STK32C: variants seen among roughly 807,000 people sequenced by gnomAD.
The protein encoded by STK32C is serine/threonine-protein kinase 32C.
A neutral mutation model predicts 56.5 loss-of-function variants in STK32C; 31 were observed. The observed-to-expected ratio is 0.55, with a 90% CI of 0.41 to 0.74. The LOEUF is 0.74. Ranked by LOEUF, STK32C falls within the 30% of genes least tolerant of loss-of-function variation. STK32C has a pLI of 0.00. For synonymous variants in STK32C, 309 were observed against 289.4 expected, an observed-to-expected ratio of 1.07 and a Z score of -0.69; for missense variants, 544 against 676.9, an observed-to-expected ratio of 0.80 and a Z score of 2.18.
Position 132,253,738 on chromosome 10 carries a change from G to A in STK32C, c.263-7783C>T, listed in dbSNP as rs151023287. Among the ~76,000 whole-genome samples, 1,316 of 152,348 alleles carry A rather than the reference G, an allele frequency of 8.6e-3. 19 individuals carry two copies. The highest frequency in any genetic ancestry group is 0.028 in the African/African-American group (1,181 of 41,580). On this transcript the variant is annotated intron_variant, in intron 1 of 11. Transcript: ENST00000298630. ...CACAGCACATCTAAGGCCAAACACCGGCTCGAGGCGAGAGATGGCCAAGAC... is the reference window on the plus strand; with the variant it reads ...CACAGCACATCTAAGGCCAAACACCAGCTCGAGGCGAGAGATGGCCAAGAC...
intron 6 of STK32C, 76 bp from the exon 7 acceptor site, chr10:132,225,412 G>C: frequency 1.3e-6 from 2 of 1,584,744 alleles, no homozygotes; most frequent in South Asian, 1.1e-5. Flanking sequence ...CCGGCACCTT[G>C]AGGCCACATC....
intron 1 of STK32C, among the ~76,000 whole-genome samples, chr10:132,278,999 C>T (rs7078667): frequency 0.062 from 9,409 of 152,180 alleles, 319 homozygotes; most frequent in African/African-American, 0.075. Flanking sequence ...CAAGGAGATG[C>T]CCTTTGTCTT....
chr10:132,264,590 C>T (rs1370573270), intron 1 of STK32C, among the ~76,000 whole-genome samples: 1 of 152,212 alleles, frequency 6.6e-6, no homozygotes, highest in Non-Finnish European at 1.5e-5. Context: ...AGGACCCTCT[C>T]CCACCAGGGA....
chr10:132,226,675 T>G, intron 4 of STK32C, 120 bp downstream of exon 4: 1 of 1,202,904 alleles, frequency 8.3e-7, no homozygotes, highest in Non-Finnish European at 1.2e-6. Flanking sequence ...CAGGCAAGGG[T>G]GGGGCAGAGG....
At chr10:132,227,907 A>C (rs1234136120) in intron 3 of STK32C, 70 bp downstream of exon 3, 6 of 1,566,672 alleles carry the variant, frequency 3.8e-6, no homozygotes, top group Non-Finnish European at 4.3e-6. Context: ...CAAGGGCAGG[A>C]GAGGATAGCC....
intron 2 of STK32C, among the ~76,000 whole-genome samples, chr10:132,245,454 G>A (rs942031423): frequency 1.3e-5 from 2 of 152,254 alleles, no homozygotes; most frequent in African/African-American, 4.8e-5. Context: ...CTCCGTCCAG[G>A]CCGGCAAACA....
chr10:132,302,190 C>T (rs542522164), intron 1 of STK32C, among the ~76,000 whole-genome samples: 1 of 152,218 alleles, frequency 6.6e-6, no homozygotes, highest in African/African-American at 2.4e-5. Context: ...GGGCTTCACC[C>T]GCAGAGAATC....
At chr10:132,303,835 G>T (rs1200747971) in intron 1 of STK32C, among the ~76,000 whole-genome samples, 1 of 152,220 alleles carries the variant, frequency 6.6e-6, no homozygotes, top group African/African-American at 2.4e-5. Flanking sequence ...TGGAGCAAGT[G>T]AAAATGGGTT....
chr10:132,293,167 G>T (rs1269919499), intron 1 of STK32C, among the ~76,000 whole-genome samples: 1 of 152,234 alleles, frequency 6.6e-6, no homozygotes, highest in Non-Finnish European at 1.5e-5. Context: ...AGAGGCCTGG[G>T]GCCAGGGGGC....
rs1245446226 is a variant in STK32C at position 132,331,795 on chromosome 10, TCTA to T, written c.-62_-60del. Reference sequence around the variant, plus strand: ...GTCGCCCCTCCAGACCCTCGCGGTCTCTACTTGCCCGTCGACCACCACCCCTTC... The same window carrying T: ...GTCGCCCCTCCAGACCCTCGCGGTCTCTTGCCCGTCGACCACCACCCCTTC... On this transcript the variant is annotated 5_prime_UTR_variant, in exon 1 of 2. Transcript: ENST00000368619. 3 of 1,599,944 alleles carry T rather than the reference TCTA, an allele frequency of 1.9e-6. No individual in the cohort carries two copies. In the African/African-American group the frequency reaches 4.0e-5, roughly 21 times the overall value.
intron 10 of STK32C, among the ~76,000 whole-genome samples, chr10:132,210,527 C>T (rs2062257700): frequency 6.6e-6 from 1 of 152,196 alleles, no homozygotes; most frequent in African/African-American, 2.4e-5. Context: ...AGATTACAGG[C>T]GTGAGCCACC....
intron 2 of STK32C, among the ~76,000 whole-genome samples, chr10:132,238,494 G>T (rs1029349725): frequency 3.9e-5 from 6 of 152,204 alleles, no homozygotes; most frequent in African/African-American, 1.4e-4. Context: ...GAAAGGCGGG[G>T]AAAGCCAGGT....
intron 1 of STK32C, among the ~76,000 whole-genome samples, chr10:132,263,739 G>A (rs1273508258): frequency 3.3e-5 from 5 of 151,170 alleles, no homozygotes; most frequent in African/African-American, 1.2e-4. Context: ...GGTGGTGGAC[G>A]CCTGTAATCC....
rs549806379 is a variant in STK32C at position 132,242,081 on chromosome 10, G to C, written c.318+3819C>G. On this transcript the variant is annotated intron_variant, in intron 2 of 11. Coordinates refer to ENST00000298630, the MANE Select transcript of STK32C (RefSeq NM_173575.4). ...GCCGAGATCACGCCACTGCACTTTA[G>C]CCTGGGTGACACAGTGAGACCCTGA... is the stretch of plus-strand genomic sequence containing the variant. Among the ~76,000 whole-genome samples, 5 of 149,824 alleles carry C rather than the reference G, an allele frequency of 3.3e-5. No individual in the cohort carries two copies. The South Asian group carries it at 1.1e-3, about 32-fold the overall frequency.
At chr10:132,331,838 G>C, upstream of STK32C, 1 of 1,495,504 alleles carries the variant, frequency 6.7e-7, no homozygotes, top group Non-Finnish European at 9.0e-7. Context: ...CCGCGGGCGC[G>C]GAAAAACGGA....
chr10:132,250,153 G>A (rs2063844778), intron 1 of STK32C, among the ~76,000 whole-genome samples: 1 of 152,264 alleles, frequency 6.6e-6, no homozygotes, highest in East Asian at 1.9e-4. Context: ...CCGCACCGGG[G>A]GAGGGAAGGG....
rs1472423091 is a variant in STK32C at position 132,221,885 on chromosome 10, A to G, written c.1251+756T>C. 1.8e-5 allele frequency among the ~76,000 whole-genome samples: 2 copies of G among 110,500 alleles called. 1 individual carries two copies. Among genetic ancestry groups the G allele is most frequent in the Non-Finnish European group, 4.2e-5 (2 of 47,644 alleles). The allele number at this position is 110,500 out of a possible 152,430, so 72.5% of individuals were successfully genotyped here. On this transcript the variant is annotated intron_variant, in intron 10 of 11. Transcript: ENST00000298630. ...GTGGCCATCCCTGCACACACAACTA[A>G]TATCAACGCACCTGGGCAAGTGTGA...
At position 132,307,944 on chromosome 10, in the gene STK32C, C is replaced by T; in HGVS notation, c.-111G>A. ...CGGGGCCGGCAGCGCCCGCCGTGCGCTCTTCTGGGCGGTGGAACCCGCCCC... is the reference window on the plus strand; with the variant it reads ...CGGGGCCGGCAGCGCCCGCCGTGCGTTCTTCTGGGCGGTGGAACCCGCCCC... On this transcript the variant is annotated 5_prime_UTR_variant, in exon 1 of 12. Coordinates refer to ENST00000298630, the MANE Select transcript of STK32C (RefSeq NM_173575.4). This position sits in a 1 kb window ranked among gnomAD's most constrained non-coding sequence, Gnocchi z 4.4. The T allele has an allele frequency of 9.5e-7, 1 of 1,048,720 alleles. No homozygotes were observed. The highest frequency in any genetic ancestry group is 1.1e-6 in the Non-Finnish European group (1 of 870,720). 65.0% of individuals were successfully genotyped at this position (1,048,720 alleles called of 1,614,324 possible). A position where few individuals can be genotyped will look rare whatever the true frequency, so the allele number is the denominator to read the frequency against.
intron 1 of STK32C, among the ~76,000 whole-genome samples, chr10:132,267,307 C>G (rs973807745): frequency 2.6e-5 from 4 of 152,116 alleles, no homozygotes; most frequent in African/African-American, 9.6e-5. Context: ...ATTCTGGAGG[C>G]CTGGAATACA....
Sources: allele counts gnomAD v4.1 joint callset (sites outside exome capture counted in the v4.1 genomes callset), GRCh38; gene constraint gnomAD v4.1.1; non-coding constraint Gnocchi (gnomAD v3.1); transcripts MANE v1.5; gene names NCBI Gene and HGNC (gene_info 2026-07-23, HGNC 2026-07-21).